CCSER1: variants seen among roughly 807,000 people sequenced by gnomAD.
CCSER1 encodes serine-rich coiled-coil domain-containing protein 1.
Under a neutral mutation model 82.0 loss-of-function variants are expected in CCSER1, and 41 were observed. That is an observed-to-expected ratio of 0.50 (90% CI 0.39 to 0.65). The LOEUF (loss-of-function observed/expected upper bound fraction) is 0.65. Ranked by LOEUF, CCSER1 falls within the 30% of genes least tolerant of loss-of-function variation. The probability of loss-of-function intolerance (pLI) is 0.00; values close to 1 mark genes in which losing one functional copy is unlikely to be tolerated. For missense variants in CCSER1, 1,119 were observed against 1,064.2 expected, an observed-to-expected ratio of 1.05 and a Z score of -0.72; for synonymous variants, 414 against 383.9, an observed-to-expected ratio of 1.08 and a Z score of -0.92.
chr4:91,048,739 G>A (rs1047076920), intron 9 of CCSER1, among the ~76,000 whole-genome samples: 6 of 151,992 alleles, frequency 3.9e-5, no homozygotes, highest in African/African-American at 9.7e-5. Flanking sequence ...CAATTAACTG[G>A]CAGTTCAAAA....
chr4:90,577,064 C>A (rs1780851076), intron 5 of CCSER1, among the ~76,000 whole-genome samples: 1 of 151,978 alleles, frequency 6.6e-6, no homozygotes, highest in Admixed American at 6.6e-5. Context: ...TGCATTTTGG[C>A]TATTTTAGTA....
At chr4:90,342,533 A>G (rs1372655335) in intron 3 of CCSER1, among the ~76,000 whole-genome samples, 1 of 152,084 alleles carries the variant, frequency 6.6e-6, no homozygotes, top group Non-Finnish European at 1.5e-5. Context: ...CCACATATAC[A>G]TTTCTATACT....
chr4:90,640,083 A>G (rs1726206934), intron 6 of CCSER1, among the ~76,000 whole-genome samples: 1 of 152,170 alleles, frequency 6.6e-6, no homozygotes, highest in Non-Finnish European at 1.5e-5. Context: ...GGAGGTGCTG[A>G]AAAGTAAGTA....
chr4:91,289,906 A>T (rs1432557301), intron 10 of CCSER1, among the ~76,000 whole-genome samples: 3 of 152,024 alleles, frequency 2.0e-5, no homozygotes, highest in African/African-American at 7.2e-5. Context: ...CAACAACAAA[A>T]CACAATCAGG....
chr4:91,325,792 AACAG>A (rs1746517040), intron 10 of CCSER1, among the ~76,000 whole-genome samples: 1 of 152,212 alleles, frequency 6.6e-6, no homozygotes, highest in African/African-American at 2.4e-5. Flanking sequence ...CCATCTTCAC[AACAG>A]ACAAAGAAAA....
intron 5 of CCSER1, among the ~76,000 whole-genome samples, chr4:90,534,611 C>G (rs1348348974): frequency 6.6e-6 from 1 of 152,056 alleles, no homozygotes; most frequent in Non-Finnish European, 1.5e-5. Flanking sequence ...CATGCTCACA[C>G]AGAGATACAT....
At chr4:90,587,031 G>T (rs1782100797) in intron 5 of CCSER1, among the ~76,000 whole-genome samples, 1 of 152,186 alleles carries the variant, frequency 6.6e-6, no homozygotes, top group Non-Finnish European at 1.5e-5. Context: ...GGAGGCAGAA[G>T]AAAAGTTAAG....
At chr4:90,479,826 G>A (rs189582833) in intron 5 of CCSER1, among the ~76,000 whole-genome samples, 103 of 152,158 alleles carry the variant, frequency 6.8e-4, no homozygotes, top group African/African-American at 2.3e-3. Flanking sequence ...GAATAGTGCC[G>A]CAATAAACAT....
chr4:90,207,408 G>A (rs1438521343), intron 1 of CCSER1, among the ~76,000 whole-genome samples: 1 of 151,960 alleles, frequency 6.6e-6, no homozygotes, highest in Non-Finnish European at 1.5e-5. Context: ...CTTTTTTCAA[G>A]GTTCTTAGCT....
chr4:91,500,571 A>T (rs976251840), intron 10 of CCSER1, among the ~76,000 whole-genome samples: 3 of 151,878 alleles, frequency 2.0e-5, no homozygotes, highest in Non-Finnish European at 4.4e-5. Context: ...TGAATGTTTC[A>T]TGGGTGCTTG....
At chr4:90,944,117 C>T (rs1316195762) in intron 9 of CCSER1, among the ~76,000 whole-genome samples, 1 of 151,090 alleles carries the variant, frequency 6.6e-6, no homozygotes, top group East Asian at 2.0e-4. Flanking sequence ...CCTGCAATCC[C>T]AGCTACTCGG....
At chr4:91,098,860 G>A (rs1436301758) in intron 10 of CCSER1, among the ~76,000 whole-genome samples, 2 of 124,680 alleles carry the variant, frequency 1.6e-5, no homozygotes, top group Admixed American at 9.8e-5. Context: ...TTTTTTAAAG[G>A]GATAAAAGAA....
chr4:90,338,455 G>C lies in CCSER1; in HGVS notation c.1509+25408G>C, dbSNP rs142283775. Among the ~76,000 whole-genome samples, 12 of 152,200 alleles carry C rather than the reference G, an allele frequency of 7.9e-5. No homozygotes were observed. The East Asian group carries it at 2.3e-3, about 29-fold the overall frequency. On this transcript the variant is annotated intron_variant, in intron 3 of 10. Transcript: ENST00000509176. ...TCCTAACAATGTTCATTCTTTTGCA[G>C]CTTACACAGGAAAAAGAAGCAAAAC...
chr4:91,252,319 TGTGAGAAATACTCA>T lies in CCSER1; in HGVS notation c.2217+166330_2217+166343del. 1.3e-5 allele frequency among the ~76,000 whole-genome samples: 2 copies of T among 152,256 alleles called. 1 individual carries two copies. Among genetic ancestry groups the T allele is most frequent in the Admixed American group, 1.3e-4 (2 of 15,276 alleles). ...TTCTTATCACTATACCTACTTACTC[TGTGAGAAATACTCA>T]GTGAAGTCCTGCATAGTAAAATAGA... On this transcript the variant is annotated intron_variant, in intron 10 of 10. Transcript: ENST00000509176.
intron 7 of CCSER1, among the ~76,000 whole-genome samples, chr4:90,810,094 G>A (rs770451353): frequency 5.9e-5 from 9 of 152,024 alleles, no homozygotes; most frequent in Non-Finnish European, 1.3e-4. Context: ...TGCTTATTTG[G>A]TAATTGTATT....
At chr4:91,437,013 C>G (rs1192377685) in intron 10 of CCSER1, among the ~76,000 whole-genome samples, 1 of 152,162 alleles carries the variant, frequency 6.6e-6, no homozygotes, top group Non-Finnish European at 1.5e-5. Flanking sequence ...CTGCTGAGAT[C>G]ATATTTGCCT....
At chr4:90,350,004 T>C (rs536549915) in intron 3 of CCSER1, among the ~76,000 whole-genome samples, 52 of 152,274 alleles carry the variant, frequency 3.4e-4, no homozygotes, top group African/African-American at 9.1e-4. Context: ...ATTGTACTTT[T>C]AGCCCTGGAA....
Position 90,839,174 on chromosome 4 carries a change from T to C in CCSER1, c.2094+23329T>C, listed in dbSNP as rs908178073. 4.1e-6 allele frequency: 3 copies of C among 727,874 alleles called. No homozygotes were observed. The African/African-American group carries it at 5.3e-5, about 13-fold the overall frequency. The allele number at this position is 727,874 out of a possible 1,614,324, so 45.1% of individuals were successfully genotyped here. A position where few individuals can be genotyped will look rare whatever the true frequency, so the allele number is the denominator to read the frequency against. ...CTATATTGCTAACTTCTTTGAGAAA[T>C]ATTATTATGATCTTTGTCTAAGAAG... On this transcript the variant is annotated intron_variant, in intron 8 of 10. Transcript: ENST00000509176.
At chr4:91,315,606 C>T (rs4519762) in intron 10 of CCSER1, among the ~76,000 whole-genome samples, 115,582 of 151,840 alleles carry the variant, frequency 0.76, 44,109 homozygotes, top group Middle Eastern at 0.84. Flanking sequence ...CAAGAATAAA[C>T]GATTTATTTA....
Sources: allele counts gnomAD v4.1 joint callset (sites outside exome capture counted in the v4.1 genomes callset), GRCh38; gene constraint gnomAD v4.1.1; transcripts MANE v1.5; gene names NCBI Gene and HGNC (gene_info 2026-07-23, HGNC 2026-07-21).